The following GEMIN8 variants were observed in gnomAD, a reference collection of about 807,000 sequenced individuals.
GEMIN8 encodes the protein gem-associated protein 8.
For missense variants in GEMIN8, 185 were observed against 205.9 expected, an observed-to-expected ratio of 0.90 and a Z score of 0.62; for synonymous variants, 80 against 78.5, an observed-to-expected ratio of 1.02 and a Z score of -0.10.
At chrX:13,986,102 A>G in the GEMIN8 span, among the ~76,000 whole-genome samples, 1 of 112,476 alleles carries the variant, frequency 8.9e-6, no homozygotes, top group Non-Finnish European at 1.9e-5. Context: ...AACTTGAAAC[A>G]TCTTATGAAA....
chrX:13,993,751 A>T, the GEMIN8 span, among the ~76,000 whole-genome samples: 1 of 111,159 alleles, frequency 9.0e-6, no homozygotes, highest in East Asian at 2.8e-4. Flanking sequence ...AAGAAAGCAA[A>T]CCATTTGTAA....
At chrX:13,997,075 A>G in the GEMIN8 span, among the ~76,000 whole-genome samples, 10 of 108,391 alleles carry the variant, frequency 9.2e-5, 1 homozygote, top group Non-Finnish European at 3.8e-5. Flanking sequence ...TGGAGTAGCT[A>G]GGACTACAGG....
chrX:14,012,860 G>GA (rs1923656626), intron 4 of GEMIN8, among the ~76,000 whole-genome samples: 1 of 110,969 alleles, frequency 9.0e-6, no homozygotes, highest in South Asian at 3.8e-4. Context: ...GGGGCTATGG[G>GA]GGGGGGCACC....
the GEMIN8 span, among the ~76,000 whole-genome samples, chrX:13,997,146 T>C: frequency 9.1e-6 from 1 of 110,289 alleles, no homozygotes; most frequent in Admixed American, 9.7e-5. Flanking sequence ...TTCACTGTGT[T>C]GGCCAGGATG....
At chrX:13,996,933 C>CCT in the GEMIN8 span, among the ~76,000 whole-genome samples, 1 of 66,919 alleles carries the variant, frequency 1.5e-5, no homozygotes, top group African/African-American at 6.4e-5. Flanking sequence ...TGTGGCTTGT[C>CCT]TTTTTTTTTT....
rs1174566527 is a variant in GEMIN8, at chrX:14,016,844, C to CAA, written c.472+3232_472+3233dup. On this transcript the variant is annotated intron_variant, in intron 4 of 4. Transcript: ENST00000680255. The stretch of plus-strand genomic sequence containing the variant: ...TGGGTGACAGAGTAAGAATCTGTCT[C>CAA]AAAAAAAAAAAAAAAAAAAAAAATA... Among the ~76,000 whole-genome samples the CAA allele has an allele frequency of 9.5e-3, 212 of 22,204 alleles. 1 individual carries two copies. The highest frequency in any genetic ancestry group is 0.01 in the African/African-American group (54 of 5,293). The allele number at this position is 22,204 out of a possible 115,157, so 19.3% of individuals were successfully genotyped here.
chrX:14,020,095 C>T lies in GEMIN8; in HGVS notation c.455G>A (p.Arg152Lys), dbSNP rs1457097656. The change falls in exon 4 of 5, where the codon AGG becomes AAG. Residue 152 changes from arginine to lysine, a missense_variant. Transcript: ENST00000680255. ...GAACTTACGTCGTTCTTCTCTATGC[C>T]TCTCGGTCTCTGCAAAGTACTGGCG... Reference protein sequence around the residue: ...ELRQYFAETERHREERRRQQQ... With the variant: ...ELRQYFAETEKHREERRRQQQ... 1.7e-6 allele frequency: 2 copies of T among 1,193,246 alleles called. No individual in the cohort carries two copies. The highest frequency in any genetic ancestry group is 1.8e-5 in the African/African-American group (1 of 56,822).
the GEMIN8 span, among the ~76,000 whole-genome samples, chrX:13,990,091 T>C: frequency 1.8e-5 from 2 of 112,801 alleles, no homozygotes; most frequent in Admixed American, 9.3e-5. Context: ...TTAAATTTTA[T>C]TCATTTTAAT....
chrX:13,990,794 G>A, the GEMIN8 span, among the ~76,000 whole-genome samples: 1 of 112,176 alleles, frequency 8.9e-6, no homozygotes, highest in African/African-American at 3.2e-5. Context: ...GTGCAGTGGC[G>A]TCATCATGGC....
At chrX:14,028,411 A>AT (rs1320150004) in intron 1 of GEMIN8, among the ~76,000 whole-genome samples, 1 of 112,107 alleles carries the variant, frequency 8.9e-6, no homozygotes, top group Non-Finnish European at 1.9e-5. Flanking sequence ...ATTTAAATAC[A>AT]TTATGTTTTC....
chrX:14,003,333 T>G (rs769385237), downstream of GEMIN8, among the ~76,000 whole-genome samples: 17 of 112,574 alleles, frequency 1.5e-4, no homozygotes, highest in Admixed American at 7.6e-4. Flanking sequence ...TATCTGTGTT[T>G]GAAGCTCACA....
chrX:14,014,726 G>C (rs773829959), intron 4 of GEMIN8, among the ~76,000 whole-genome samples: 22 of 111,835 alleles, frequency 2.0e-4, no homozygotes, highest in Middle Eastern at 4.2e-3. Context: ...CACTCAGATG[G>C]ACACAGTGTA....
chrX:13,994,755 T>C, the GEMIN8 span, among the ~76,000 whole-genome samples: 3 of 112,385 alleles, frequency 2.7e-5, no homozygotes, highest in Non-Finnish European at 5.6e-5. Flanking sequence ...CCATGGAGTA[T>C]TTGTGGTCAG....
At chrX:13,994,904 A>G in the GEMIN8 span, among the ~76,000 whole-genome samples, 4 of 112,368 alleles carry the variant, frequency 3.6e-5, no homozygotes, top group African/African-American at 1.3e-4. Context: ...AGGTGTCTAT[A>G]TGAAAGGGAG....
chrX:14,025,127 C>T (rs1057138959), intron 2 of GEMIN8, among the ~76,000 whole-genome samples: 3 of 111,998 alleles, frequency 2.7e-5, no homozygotes, highest in South Asian at 3.6e-4. Flanking sequence ...AAGAATTACA[C>T]ATTCGTCTCT....
intron 4 of GEMIN8, among the ~76,000 whole-genome samples, chrX:14,009,407 G>A (rs1923380308): frequency 9.0e-6 from 1 of 111,635 alleles, no homozygotes; most frequent in African/African-American, 3.3e-5. Flanking sequence ...ATTATACACT[G>A]AGAGAAATGG....
chrX:14,025,324 GTTCT>G (rs1425071727), intron 2 of GEMIN8, among the ~76,000 whole-genome samples: 1 of 105,170 alleles, frequency 9.5e-6, no homozygotes, highest in Non-Finnish European at 1.9e-5. Context: ...TAGTCTTCAC[GTTCT>G]TTGCTTTAAA....
the GEMIN8 span, among the ~76,000 whole-genome samples, chrX:13,998,705 C>T: frequency 8.1e-5 from 9 of 111,526 alleles, no homozygotes; most frequent in East Asian, 8.4e-4. Flanking sequence ...CCACTTGCCT[C>T]GACCTCCCAA....
chrX:14,002,097 C>CAAAAAA (rs59550732), downstream of GEMIN8, among the ~76,000 whole-genome samples: 2 of 23,620 alleles, frequency 8.5e-5, no homozygotes, highest in African/African-American at 1.7e-4. Flanking sequence ...TGCACTCCAG[C>CAAAAAA]AAAAAAAAAA....
Sources: gnomAD v4.1 joint callset for allele counts (sites outside exome capture counted in the v4.1 genomes callset) on GRCh38, gnomAD v4.1.1 for gene constraint, MANE v1.5 for transcripts, NCBI Gene and HGNC (gene_info 2026-07-23, HGNC 2026-07-21) for gene names.